Variants in CREBBP observed in about 807,000 individuals in gnomAD.
CREBBP encodes CREB-binding protein.
A neutral mutation model predicts 265.0 loss-of-function variants in CREBBP; 19 were observed. The observed-to-expected ratio is 0.07, with a 90% CI of 0.05 to 0.11. The LOEUF (loss-of-function observed/expected upper bound fraction) is 0.11, where lower values mean the gene tolerates loss of function less well. Among genes scored for constraint, CREBBP ranks in the 10% least tolerant of loss-of-function variants. CREBBP has a pLI of 1.00. For synonymous variants in CREBBP, 1,457 were observed against 1,223.7 expected, an observed-to-expected ratio of 1.19 and a Z score of -3.98; for missense variants, 2,525 against 3,219.0, an observed-to-expected ratio of 0.78 and a Z score of 5.22.
intron 2 of CREBBP, among the ~76,000 whole-genome samples, chr16:3,818,705 C>T (rs527336101): frequency 2.0e-5 from 3 of 152,300 alleles, no homozygotes; most frequent in East Asian, 3.9e-4. Flanking sequence ...CCTCAAGACA[C>T]GCCTCAAGCC....
intron 4 of CREBBP, 121 bp from the exon 5 acceptor site, chr16:3,792,215 T>C: frequency 1.2e-6 from 1 of 860,766 alleles, no homozygotes; most frequent in Non-Finnish European, 1.9e-6. Flanking sequence ...CATAACACAG[T>C]ATAGGCAGTC....
At chr16:3,745,763 C>G (rs2052327281) in intron 21 of CREBBP, 1 of 325,588 alleles carries the variant, frequency 3.1e-6, no homozygotes, top group East Asian at 6.5e-5. Flanking sequence ...ACTTTGAGTT[C>G]TAAACATGTG....
At chr16:3,763,613 G>A (rs899452898) in intron 16 of CREBBP, among the ~76,000 whole-genome samples, 2 of 151,830 alleles carry the variant, frequency 1.3e-5, no homozygotes, top group Admixed American at 1.3e-4. Context: ...ACAGGCATGC[G>A]CCACCAGGCC....
chr16:3,767,307 G>A lies in CREBBP; in HGVS notation c.3250+413C>T, dbSNP rs149475226. ...ACCTTCTGCCTCCAAGTCACCCTGTGCTGTCATAATGACCATCTTCCTTAA... is the reference window on the plus strand; with the variant it reads ...ACCTTCTGCCTCCAAGTCACCCTGTACTGTCATAATGACCATCTTCCTTAA... On this transcript the variant is annotated intron_variant, in intron 16 of 30. Transcript: ENST00000262367. 29 of 212,612 alleles carry A rather than the reference G, an allele frequency of 1.4e-4. No homozygotes were observed. The East Asian group carries it at 3.5e-3, about 26-fold the overall frequency. The allele number at this position is 212,612 out of a possible 1,614,324, so 13.2% of individuals were successfully genotyped here.
In CREBBP at chr16:3,755,628, G is replaced by A. The variant is rs559808352; in HGVS notation, c.3698+1660C>T. On this transcript the variant is annotated intron_variant, in intron 19 of 30. Coordinates refer to ENST00000262367, the MANE Select transcript of CREBBP (RefSeq NM_004380.3). ...CATGGGGTCTGCTGAAGGTCATGGG[G>A]CTAAAAGCATAAAAGGAGTGGCCAG... 1.1e-4 allele frequency among the ~76,000 whole-genome samples: 16 copies of A among 152,258 alleles called. 1 individual carries two copies. The South Asian group carries it at 3.3e-3, about 32-fold the overall frequency.
At chr16:3,827,414 CAG>C (rs1001805354) in intron 2 of CREBBP, among the ~76,000 whole-genome samples, 4 of 152,234 alleles carry the variant, frequency 2.6e-5, no homozygotes, top group African/African-American at 7.2e-5. Context: ...TTGACTGAGA[CAG>C]AGTCTCACTC....
chr16:3,785,571 G>A (rs1202489470), intron 5 of CREBBP, among the ~76,000 whole-genome samples: 1 of 152,220 alleles, frequency 6.6e-6, no homozygotes, highest in African/African-American at 2.4e-5. Context: ...GAGTCCAGGG[G>A]ACGTGCCAGC....
intron 2 of CREBBP, among the ~76,000 whole-genome samples, chr16:3,830,123 G>T (rs1176416587): frequency 6.6e-6 from 1 of 152,190 alleles, no homozygotes. Flanking sequence ...TGGGCTGGGT[G>T]TGGTGACTCA....
chr16:3,744,078 A>T (rs79367415), intron 23 of CREBBP, among the ~76,000 whole-genome samples: 8 of 149,684 alleles, frequency 5.3e-5, no homozygotes, highest in Non-Finnish European at 1.0e-4. Flanking sequence ...GTCTCAAATT[A>T]AAAAAAAAAG....
rs758232005 is a variant in CREBBP at position 3,850,321 on chromosome 16, G to A, written c.774C>T (p.Thr258=). 28 of 1,614,094 alleles carry A rather than the reference G, an allele frequency of 1.7e-5. No individual in the cohort carries two copies. The highest frequency in any genetic ancestry group is 4.5e-5 in the East Asian group (2 of 44,890). Residue 258 remains threonine, a synonymous_variant, in exon 2 of 31, where the codon ACC becomes ACT. Coordinates refer to ENST00000262367, the MANE Select transcript of CREBBP (RefSeq NM_004380.3). ...PQMTGHAGLN[T]AQAGGMAKMG... is the part of the protein sequence containing the mutation. ...CCTTGGCCATGCCTCCTGCCTGTGC[G>A]GTGTTCAGTCCCGCGTGACCAGTCA... is the stretch of plus-strand genomic sequence containing the variant.
At chr16:3,769,500 G>A in intron 14 of CREBBP, 147 bp from the exon 15 acceptor site, 1 of 976,884 alleles carries the variant, frequency 1.0e-6, no homozygotes, top group Non-Finnish European at 1.6e-6. Context: ...AAGAACAGGG[G>A]TTAAAGTAGG....
Position 3,740,565 on chromosome 16 carries a change from G to A in CREBBP, c.3983-16C>T. 1 of 1,614,164 alleles carries A rather than the reference G, an allele frequency of 6.2e-7. No individual in the cohort carries two copies. Among genetic ancestry groups the A allele is most frequent in the Non-Finnish European group, 8.5e-7 (1 of 1,180,020 alleles). The stretch of plus-strand genomic sequence containing the variant: ...GTCTGCAGCCCTAGGAAGTCCAGAA[G>A]GAGCAGGTGAGAGGGCTTCAACAGC... On this transcript the variant is annotated splice_polypyrimidine_tract_variant and intron_variant, in intron 23 of 30. Transcript: ENST00000262367.
intron 1 of CREBBP, among the ~76,000 whole-genome samples, chr16:3,868,855 T>C (rs1317799985): frequency 6.6e-6 from 1 of 152,134 alleles, no homozygotes; most frequent in Non-Finnish European, 1.5e-5. Context: ...CCCAGCAGGG[T>C]GCCCCACACG....
chr16:3,782,748 C>T lies in CREBBP; in HGVS notation c.1509G>A (p.Gln503=), dbSNP rs748447855. 1 of 1,614,050 alleles carries T rather than the reference C, an allele frequency of 6.2e-7. No individual in the cohort carries two copies. Among genetic ancestry groups the T allele is most frequent in the Non-Finnish European group, 8.5e-7 (1 of 1,180,040 alleles). The part of the protein sequence containing the change: ...MNQPQTQLQP[Q]VPGQQPAQPQ... Reference sequence around the variant, plus strand: ...GCTGTGCTGGTTGCTGGCCAGGAACCTGAGGCTGCAGCTGCGTCTGGGGCT... The same window carrying T: ...GCTGTGCTGGTTGCTGGCCAGGAACTTGAGGCTGCAGCTGCGTCTGGGGCT... The change falls in exon 6 of 31, where the codon CAG becomes CAA. Residue 503 remains glutamine (Q), a synonymous_variant. Transcript: ENST00000262367.
At chr16:3,861,652 CAAAAAAA>C (rs368654449) in intron 1 of CREBBP, among the ~76,000 whole-genome samples, 27 of 121,092 alleles carry the variant, frequency 2.2e-4, no homozygotes, top group African/African-American at 4.4e-4. Context: ...CTCTCTATAC[CAAAAAAA>C]AAAAAAAAAA....
At chr16:3,858,234 G>A (rs2055003484) in intron 1 of CREBBP, among the ~76,000 whole-genome samples, 1 of 152,176 alleles carries the variant, frequency 6.6e-6, no homozygotes, top group Non-Finnish European at 1.5e-5. Context: ...AATCTGTGCA[G>A]CCAATAACAT....
In CREBBP at chr16:3,726,245, G is replaced by GGC. The variant is rs1567257298; in HGVS notation, c.*1472_*1473insGC. On this transcript the variant is annotated 3_prime_UTR_variant, in exon 31 of 31. Coordinates refer to ENST00000262367, the MANE Select transcript of CREBBP (RefSeq NM_004380.3). The stretch of plus-strand genomic sequence containing the variant: ...AGATTCTGGGAGTCGTGTACGGGGG[G>GGC]GGGGAGCCGCCTGAACACGGGAAGA... 1 of 232,142 alleles carries GGC rather than the reference G, an allele frequency of 4.3e-6. No individual in the cohort carries two copies. Among genetic ancestry groups the GGC allele is most frequent in the African/African-American group, 2.2e-5 (1 of 44,612 alleles). The allele number at this position is 232,142 out of a possible 1,614,324, so 14.4% of individuals were successfully genotyped here. A position where few individuals can be genotyped will look rare whatever the true frequency, so the allele number is the denominator to read the frequency against.
intron 2 of CREBBP, among the ~76,000 whole-genome samples, chr16:3,845,519 T>C (rs947970453): frequency 6.6e-6 from 1 of 152,132 alleles, no homozygotes; most frequent in African/African-American, 2.4e-5. Context: ...GGTACTAAGA[T>C]GATTATAACA....
chr16:3,751,946 G>T, intron 19 of CREBBP, 140 bp from the exon 20 acceptor site: 1 of 763,062 alleles, frequency 1.3e-6, no homozygotes. Flanking sequence ...GGTCAGTGAG[G>T]ACAATGAAAG....
Sources: allele counts gnomAD v4.1 joint callset (sites outside exome capture counted in the v4.1 genomes callset), GRCh38; gene constraint gnomAD v4.1.1; transcripts MANE v1.5; gene names NCBI Gene and HGNC (gene_info 2026-07-23, HGNC 2026-07-21).